ATXN1: variants seen among roughly 807,000 people sequenced by gnomAD.
ATXN1 encodes the protein ataxin 1, also known as ataxin-1.
ATXN1 carries 8 observed loss-of-function variants against 56.4 expected under a neutral mutation model. That is an observed-to-expected ratio of 0.14 (90% CI 0.08 to 0.26). The LOEUF (loss-of-function observed/expected upper bound fraction) is 0.26. ATXN1 is among the 10% of genes least tolerant of loss of function. The probability of loss-of-function intolerance (pLI) is 1.00; values close to 1 mark genes in which losing one functional copy is unlikely to be tolerated. For missense variants in ATXN1, 987 were observed against 1,106.5 expected (o/e 0.89, Z 1.53); for synonymous variants, 514 against 494.6 (o/e 1.04, Z -0.52).
intron 6 of ATXN1, among the ~76,000 whole-genome samples, chr6:16,419,890 G>A (rs1038535655): frequency 2.6e-5 from 4 of 152,328 alleles, no homozygotes; most frequent in Non-Finnish European, 5.9e-5. Context: ...GGGGACGGAT[G>A]AGGACCGCTC....
chr6:16,390,497 G>T (rs965724756), intron 6 of ATXN1, among the ~76,000 whole-genome samples: 1 of 152,078 alleles, frequency 6.6e-6, no homozygotes. Context: ...CTCTAGTTTA[G>T]AACTTGGGTT....
intron 2 of ATXN1, among the ~76,000 whole-genome samples, chr6:16,714,489 T>C (rs549836881): frequency 1.3e-5 from 2 of 152,214 alleles, no homozygotes; most frequent in Non-Finnish European, 2.9e-5. Flanking sequence ...ATTTTAAAAT[T>C]ATATACATAT....
chr6:16,650,663 A>G (rs568960972), intron 3 of ATXN1, among the ~76,000 whole-genome samples: 1 of 152,166 alleles, frequency 6.6e-6, no homozygotes, highest in African/African-American at 2.4e-5. Context: ...ACCGTAACCT[A>G]CCTGGATGTG....
chr6:16,407,535 CT>C (rs948353097), intron 6 of ATXN1, among the ~76,000 whole-genome samples: 8 of 152,194 alleles, frequency 5.3e-5, no homozygotes, highest in South Asian at 2.1e-4. Flanking sequence ...CTCACAACAT[CT>C]GGTTTGCTTA....
Position 16,679,127 on chromosome 6 carries a change from AATAG to A in ATXN1, c.-614-21230_-614-21227del, listed in dbSNP as rs552276385. On this transcript the variant is annotated intron_variant, in intron 2 of 7. Coordinates refer to ENST00000436367, the MANE Select transcript of ATXN1 (RefSeq NM_001128164.2). The stretch of plus-strand genomic sequence containing the variant: ...AGGTGGGAGGGTGGATGGATGGACA[AATAG>A]ATAGATGGATGAATGGATGGGTGGA... Among the ~76,000 whole-genome samples the A allele has an allele frequency of 3.4e-4, 50 of 144,968 alleles. No individual in the cohort carries two copies. In the South Asian group the frequency reaches 4.9e-3, roughly 14 times the overall value.
intron 6 of ATXN1, among the ~76,000 whole-genome samples, chr6:16,399,336 C>T (rs1006637543): frequency 2.6e-5 from 4 of 152,140 alleles, no homozygotes; most frequent in East Asian, 1.9e-4. Context: ...CGTTAGGCTA[C>T]GTAGCCAACA....
chr6:16,717,482 C>G (rs1340905984), intron 2 of ATXN1, among the ~76,000 whole-genome samples: 2 of 152,242 alleles, frequency 1.3e-5, no homozygotes, highest in South Asian at 2.1e-4. Flanking sequence ...CCTTAGAGAG[C>G]ATGTGCACTG....
intron 6 of ATXN1, among the ~76,000 whole-genome samples, chr6:16,411,096 G>A (rs1159445609): frequency 1.5e-5 from 2 of 137,444 alleles, no homozygotes; most frequent in Non-Finnish European, 3.0e-5. Flanking sequence ...CGGCACTCCA[G>A]CCTGGGTGAC....
At chr6:16,567,553 C>T (rs954122919) in intron 4 of ATXN1, among the ~76,000 whole-genome samples, 1 of 152,158 alleles carries the variant, frequency 6.6e-6, no homozygotes, top group Non-Finnish European at 1.5e-5. Flanking sequence ...CTAACTCTGA[C>T]AAGCTTGCAT....
Position 16,756,774 on chromosome 6 carries a change from TA to T in ATXN1, c.-729-3428del, listed in dbSNP as rs1760900757. On this transcript the variant is annotated intron_variant, in intron 1 of 7. Transcript: ENST00000436367. The stretch of plus-strand genomic sequence containing the variant: ...GTGTTATTTTCAGATAACTACAGTT[TA>T]AAGAATTAACATTCACTCCCACATT... Among the ~76,000 whole-genome samples, 3 of 152,352 alleles carry T rather than the reference TA, an allele frequency of 2.0e-5. No individual in the cohort carries two copies. The South Asian group carries it at 6.2e-4, about 32-fold the overall frequency.
At chr6:16,668,808 ATTTAC>A (rs200696262) in intron 2 of ATXN1, among the ~76,000 whole-genome samples, 1,828 of 151,106 alleles carry the variant, frequency 0.012, 33 homozygotes, top group African/African-American at 0.042. Context: ...ATTTTATTTT[ATTTAC>A]TTTATTTTAT....
chr6:16,712,242 AAGATGTACTTTCTTTTC>A (rs2113456108), intron 2 of ATXN1, among the ~76,000 whole-genome samples: 1 of 151,734 alleles, frequency 6.6e-6, no homozygotes, highest in East Asian at 1.9e-4. Context: ...AGTGAAAAGA[AAGATGTACTTTCTTTTC>A]ACTATTAATA....
chr6:16,332,777 A>T (rs1057410449), intron 6 of ATXN1, among the ~76,000 whole-genome samples: 1 of 152,224 alleles, frequency 6.6e-6, no homozygotes, highest in African/African-American at 2.4e-5. Flanking sequence ...TTAGAGCTAC[A>T]TTAACTATCT....
intron 3 of ATXN1, among the ~76,000 whole-genome samples, chr6:16,623,425 C>T (rs1317265061): frequency 6.6e-6 from 1 of 152,312 alleles, no homozygotes; most frequent in Non-Finnish European, 1.5e-5. Flanking sequence ...TTCCATCTAT[C>T]GCTTTGGTCA....
At chr6:16,567,594 C>G (rs1762252680) in intron 4 of ATXN1, among the ~76,000 whole-genome samples, 1 of 152,210 alleles carries the variant, frequency 6.6e-6, no homozygotes, top group Non-Finnish European at 1.5e-5. Flanking sequence ...TACCTCCTAA[C>G]AGAACAGCAT....
chr6:16,649,099 C>T (rs748405719), intron 3 of ATXN1, among the ~76,000 whole-genome samples: 4 of 151,994 alleles, frequency 2.6e-5, no homozygotes, highest in Admixed American at 6.6e-5. Context: ...CCTTGTCACA[C>T]GTACAAATGA....
At chr6:16,309,942 G>C (rs1760350804) in intron 7 of ATXN1, among the ~76,000 whole-genome samples, 1 of 152,100 alleles carries the variant, frequency 6.6e-6, no homozygotes, top group Non-Finnish European at 1.5e-5. Flanking sequence ...GCTGAGGCAG[G>C]AGAATCACTT....
chr6:16,721,326 T>G (rs558372267), intron 2 of ATXN1, among the ~76,000 whole-genome samples: 6 of 152,136 alleles, frequency 3.9e-5, no homozygotes, highest in Non-Finnish European at 8.8e-5. Context: ...CAAACCACAT[T>G]TGAAATATGT....
chr6:16,740,264 T>C (rs1415634932), intron 2 of ATXN1, among the ~76,000 whole-genome samples: 1 of 152,246 alleles, frequency 6.6e-6, no homozygotes, highest in Non-Finnish European at 1.5e-5. Context: ...CCACTAGATG[T>C]TGTAACAGTA....
Sources: gnomAD v4.1 joint callset for allele counts (sites outside exome capture counted in the v4.1 genomes callset) on GRCh38, gnomAD v4.1.1 for gene constraint, MANE v1.5 for transcripts, NCBI Gene and HGNC (gene_info 2026-07-23, HGNC 2026-07-21) for gene names.